Variants in NACC1 observed in about 807,000 individuals in gnomAD.
NACC1 encodes the protein nucleus accumbens-associated protein 1.
A neutral mutation model predicts 41.7 loss-of-function variants in NACC1; 6 were observed. The ratio of observed to expected loss-of-function variants is 0.14; its 90% CI spans 0.08 to 0.28. The LOEUF (loss-of-function observed/expected upper bound fraction) is 0.28. Among genes scored for constraint, NACC1 ranks in the 10% least tolerant of loss-of-function variants. The pLI is 1.00. For missense variants in NACC1, 434 were observed against 763.7 expected (o/e 0.57, Z 5.09); for synonymous variants, 338 against 330.6 (o/e 1.02, Z -0.24).
chr19:13,132,138 C>G (rs1370488493), intron 1 of NACC1, among the ~76,000 whole-genome samples: 1 of 147,766 alleles, frequency 6.8e-6, no homozygotes, highest in Non-Finnish European at 1.5e-5. Flanking sequence ...TGGGATTGGC[C>G]AGGTGTGGTG....
intron 1 of NACC1, among the ~76,000 whole-genome samples, chr19:13,118,676 C>T (rs1261482278): frequency 1.3e-5 from 2 of 150,976 alleles, no homozygotes; most frequent in Middle Eastern, 3.4e-3. Context: ...CGTACCTGGA[C>T]CGCTCCCCCG....
At chr19:13,130,840 C>T (rs1226273287) in intron 1 of NACC1, among the ~76,000 whole-genome samples, 1 of 152,112 alleles carries the variant, frequency 6.6e-6, no homozygotes, top group East Asian at 1.9e-4. Flanking sequence ...CTGGCCTGTA[C>T]ATATAACTCT....
chr19:13,125,498 G>T (rs757400892), intron 1 of NACC1, among the ~76,000 whole-genome samples: 2 of 143,554 alleles, frequency 1.4e-5, no homozygotes, highest in African/African-American at 5.2e-5. Context: ...TTGACTCACC[G>T]CATCCTCCGC....
Position 13,139,786 on chromosome 19 carries a change from T to C in NACC1, c.*1380T>C, listed in dbSNP as rs1433870030. Reference sequence around the variant, plus strand: ...TTTTGTTCTCGCCCAGAGTGGGTGGTTTTTTGTTGTTGTTTTAGATTTTCA... The same window carrying C: ...TTTTGTTCTCGCCCAGAGTGGGTGGCTTTTTGTTGTTGTTTTAGATTTTCA... On this transcript the variant is annotated 3_prime_UTR_variant, in exon 6 of 6. Transcript: ENST00000292431. 6.6e-6 allele frequency: 1 copy of C among 152,182 alleles called. No homozygotes were observed. The highest frequency in any genetic ancestry group is 6.6e-5 in the Admixed American group (1 of 15,264). The allele number at this position is 152,182 out of a possible 1,614,324, so 9.4% of individuals were successfully genotyped here.
Position 13,118,378 on chromosome 19 carries a change from G to C in NACC1, c.-85G>C, listed in dbSNP as rs1398727537. 1 of 146,666 alleles carries C rather than the reference G, an allele frequency of 6.8e-6. No individual in the cohort carries two copies. Among genetic ancestry groups the C allele is most frequent in the East Asian group, 1.9e-4 (1 of 5,144 alleles). The allele number at this position is 146,666 out of a possible 1,614,324, so 9.1% of individuals were successfully genotyped here. A position where few individuals can be genotyped will look rare whatever the true frequency, so the allele number is the denominator to read the frequency against. On this transcript the variant is annotated 5_prime_UTR_variant, in exon 1 of 6. Coordinates refer to ENST00000292431, the MANE Select transcript of NACC1 (RefSeq NM_052876.4). ...GGCCGAGGCCCCGGCGCAGCGGGGC[G>C]CGCCCCGGGCCCAGGCCCGGCCCCA...
At position 13,137,314 on chromosome 19, in the gene NACC1, C is replaced by T. The variant is rs768549552; in HGVS notation, c.1164C>T (p.His388=). The T allele has an allele frequency of 2.2e-5, 35 of 1,613,964 alleles. No individual in the cohort carries two copies. Among genetic ancestry groups the T allele is most frequent in the East Asian group, 2.0e-4 (9 of 44,870 alleles). The change falls in exon 4 of 6, where the codon CAC becomes CAT. Residue 388 remains histidine, a synonymous_variant. Coordinates refer to ENST00000292431, the MANE Select transcript of NACC1 (RefSeq NM_052876.4). The surrounding 1 kb of genome is among the most constrained non-coding windows in gnomAD (Gnocchi z 6.1). ...YITRAQLMNC[H]VSAGTRHKVL... ...CAAGGGCGCAGCTGATGAACTGCCA[C>T]GTCAGCGCAGGCACGCGGCACAAGG...
chr19:13,128,484 C>T (rs74569397), intron 1 of NACC1, among the ~76,000 whole-genome samples: 9,126 of 152,226 alleles, frequency 0.06, 340 homozygotes, highest in African/African-American at 0.093. Context: ...CACATTGGGG[C>T]TCAGAGTTTC....
intron 1 of NACC1, among the ~76,000 whole-genome samples, chr19:13,123,336 G>A (rs2019522892): frequency 6.6e-6 from 1 of 152,212 alleles, no homozygotes; most frequent in Admixed American, 6.5e-5. Context: ...GGAGCGGGCA[G>A]GCTGCGAGCT....
chr19:13,122,673 C>T (rs2019513532), intron 1 of NACC1, among the ~76,000 whole-genome samples: 1 of 152,088 alleles, frequency 6.6e-6, no homozygotes. Context: ...GTCTGGTTAT[C>T]ATGAGGTTTG....
chr19:13,136,485 G>A lies in NACC1; in HGVS notation c.1120+80G>A, dbSNP rs1172274856. On this transcript the variant is annotated intron_variant, in intron 3 of 5. Transcript: ENST00000292431. The surrounding 1 kb of genome is among the most constrained non-coding windows in gnomAD (Gnocchi z 5.5). The stretch of plus-strand genomic sequence containing the variant: ...CTGGGCTGGGCTGGGCAGCTGGTTA[G>A]GAGCCCCCAGCACCTCAGTTTCCCT... The A allele has an allele frequency of 1.4e-6, 2 of 1,480,008 alleles. No individual in the cohort carries two copies. The highest frequency in any genetic ancestry group is 1.3e-5 in the South Asian group (1 of 75,360). 91.7% of individuals were successfully genotyped at this position (1,480,008 alleles called of 1,614,324 possible). A position where few individuals can be genotyped will look rare whatever the true frequency, so the allele number is the denominator to read the frequency against.
At chr19:13,123,717 C>A (rs2019528318) in intron 1 of NACC1, among the ~76,000 whole-genome samples, 1 of 152,162 alleles carries the variant, frequency 6.6e-6, no homozygotes, top group Non-Finnish European at 1.5e-5. Context: ...TCCGGGGTTC[C>A]CGTCTGGTCT....
chr19:13,137,500 G>A lies in NACC1; in HGVS notation c.1249G>A (p.Gly417Ser). The A allele has an allele frequency of 6.3e-7, 1 of 1,598,714 alleles. No homozygotes were observed. The highest frequency in any genetic ancestry group is 8.5e-7 in the Non-Finnish European group (1 of 1,172,476). The change falls in exon 5 of 6, where the codon GGC (glycine) becomes AGC (serine). Residue 417 changes from glycine (G) to serine (S), a missense_variant. Transcript: ENST00000292431. This position sits in a 1 kb window ranked among gnomAD's most constrained non-coding sequence, Gnocchi z 6.1. ...FDRNTLANSC[G>S]TGIRSSTNDP... ...CAGGAACACGCTGGCCAACAGCTGC[G>A]GCACCGGCATCCGCTCTTCTACCAA... is the stretch of plus-strand genomic sequence containing the variant.
At chr19:13,134,107 G>A (rs1271449955) in intron 1 of NACC1, among the ~76,000 whole-genome samples, 2 of 152,084 alleles carry the variant, frequency 1.3e-5, no homozygotes, top group African/African-American at 4.8e-5. Flanking sequence ...CCAGGCTGGA[G>A]TATAGTGGCG....
intron 1 of NACC1, 55 bp from the exon 2 acceptor site, chr19:13,135,145 G>T (rs145759623): frequency 3.4e-6 from 5 of 1,473,856 alleles, no homozygotes; most frequent in Non-Finnish European, 4.5e-6. Context: ...CACATTTGCC[G>T]CCTGACCCCG....
At position 13,138,943 on chromosome 19, in the gene NACC1, A is replaced by G. The variant is rs2019747380; in HGVS notation, c.*537A>G. ...TGGGGTAGGCGAGGCCGTGGGGACT[A>G]CCCATTTTATAGCTGGGGAAACAGG... is the stretch of plus-strand genomic sequence containing the variant. On this transcript the variant is annotated 3_prime_UTR_variant, in exon 6 of 6. Transcript: ENST00000292431. The surrounding 1 kb of genome is among the most constrained non-coding windows in gnomAD (Gnocchi z 5.7). 1.3e-5 allele frequency: 2 copies of G among 154,490 alleles called. No individual in the cohort carries two copies. Among genetic ancestry groups the G allele is most frequent in the South Asian group, 4.0e-4 (2 of 5,050 alleles). 9.6% of individuals were successfully genotyped at this position (154,490 alleles called of 1,614,324 possible). A position where few individuals can be genotyped will look rare whatever the true frequency, so the allele number is the denominator to read the frequency against.
intron 1 of NACC1, among the ~76,000 whole-genome samples, chr19:13,122,290 G>A (rs865797625): frequency 6.6e-6 from 1 of 152,162 alleles, no homozygotes; most frequent in East Asian, 1.9e-4. Flanking sequence ...AAGGGAGAGG[G>A]TAGGTAAGGG....
intron 1 of NACC1, among the ~76,000 whole-genome samples, chr19:13,120,199 C>A (rs189391783): frequency 6.6e-6 from 1 of 152,170 alleles, no homozygotes; most frequent in Non-Finnish European, 1.5e-5. Context: ...CCCTTCTTCC[C>A]CATTTCCCTC....
At chr19:13,134,876 C>T (rs1295965991) in intron 1 of NACC1, among the ~76,000 whole-genome samples, 1 of 152,206 alleles carries the variant, frequency 6.6e-6, no homozygotes, top group Non-Finnish European at 1.5e-5. Flanking sequence ...GCCACTCTTC[C>T]GAGCACTTAA....
At position 13,136,288 on chromosome 19, in the gene NACC1, C is replaced by A; in HGVS notation, c.1003C>A (p.Arg335=). ...QVAPESRNRI[R]VRQDLASLPA... Reference sequence around the variant, plus strand: ...AGCCCCCGAGTCCCGAAATCGCATCCGGGTTCGGCAAGACCTGGCGTCTCT... The same window carrying A: ...AGCCCCCGAGTCCCGAAATCGCATCAGGGTTCGGCAAGACCTGGCGTCTCT... Residue 335 remains arginine, a synonymous_variant, in exon 3 of 6, where the codon CGG becomes AGG. Transcript: ENST00000292431. The surrounding 1 kb of genome is among the most constrained non-coding windows in gnomAD (Gnocchi z 5.5). The A allele has an allele frequency of 6.2e-7, 1 of 1,614,106 alleles. No individual in the cohort carries two copies. The highest frequency in any genetic ancestry group is 8.5e-7 in the Non-Finnish European group (1 of 1,180,006).
Sources: allele counts gnomAD v4.1 joint callset (sites outside exome capture counted in the v4.1 genomes callset), GRCh38; gene constraint gnomAD v4.1.1; non-coding constraint Gnocchi (gnomAD v3.1); transcripts MANE v1.5; gene names NCBI Gene and HGNC (gene_info 2026-07-23, HGNC 2026-07-21).